Variants in FTO observed in about 807,000 individuals in gnomAD.
FTO encodes the protein alpha-ketoglutarate-dependent dioxygenase FTO.
FTO carries 47 observed loss-of-function variants against 63.9 expected under a neutral mutation model. The ratio of observed to expected loss-of-function variants is 0.74; its 90% confidence interval spans 0.58 to 0.94. The LOEUF is 0.94. FTO is among the 40% of genes least tolerant of loss of function. FTO has a pLI of 0.00. For missense variants in FTO, 562 were observed against 618.1 expected, an observed-to-expected ratio of 0.91 and a Z score of 0.96; for synonymous variants, 207 against 224.4, an observed-to-expected ratio of 0.92 and a Z score of 0.69.
intron 1 of FTO, among the ~76,000 whole-genome samples, chr16:53,779,469 A>C (rs1256415340): frequency 6.6e-6 from 1 of 152,224 alleles, no homozygotes; most frequent in Non-Finnish European, 1.5e-5. Flanking sequence ...TTAATTTAAC[A>C]GTCCAGCTCC....
intron 6 of FTO, among the ~76,000 whole-genome samples, chr16:53,887,413 T>C (rs935219736): frequency 1.3e-5 from 2 of 152,124 alleles, no homozygotes; most frequent in African/African-American, 4.8e-5. Flanking sequence ...ACCCCTGGCA[T>C]TGGAGCTGGA....
chr16:53,791,590 A>G (rs1473915478), intron 1 of FTO, among the ~76,000 whole-genome samples: 1 of 152,224 alleles, frequency 6.6e-6, no homozygotes, highest in African/African-American at 2.4e-5. Context: ...GAATATATGC[A>G]GAGGAATAAC....
At chr16:53,906,900 C>T (rs941742782) in intron 7 of FTO, among the ~76,000 whole-genome samples, 1 of 152,184 alleles carries the variant, frequency 6.6e-6, no homozygotes, top group African/African-American at 2.4e-5. Flanking sequence ...CTCTCCACCC[C>T]AGGTACCCTG....
intron 4 of FTO, among the ~76,000 whole-genome samples, chr16:53,845,836 G>A (rs2079602505): frequency 6.6e-6 from 1 of 152,196 alleles, no homozygotes; most frequent in Admixed American, 6.5e-5. Flanking sequence ...AGATCATTAT[G>A]TAGGGTCTCT....
intron 8 of FTO, among the ~76,000 whole-genome samples, chr16:53,934,552 GA>G (rs911479578): frequency 2.4e-4 from 37 of 152,242 alleles, no homozygotes; most frequent in Admixed American, 1.1e-3. Context: ...TAGGTTCTGA[GA>G]AATGTGTTCT....
At chr16:53,713,772 A>G (rs939478595) in intron 1 of FTO, among the ~76,000 whole-genome samples, 7 of 152,208 alleles carry the variant, frequency 4.6e-5, no homozygotes, top group African/African-American at 7.2e-5. Context: ...CCACATTTTT[A>G]AGTGTACAAT....
chr16:54,071,332 G>C (rs1344673645), intron 8 of FTO: 2 of 152,210 alleles, frequency 1.3e-5, no homozygotes, highest in African/African-American at 4.8e-5. Flanking sequence ...GTAGCTGTCA[G>C]GAGTGGGACC....
At chr16:53,728,753 G>A (rs75123395) in intron 1 of FTO, among the ~76,000 whole-genome samples, 8,706 of 147,974 alleles carry the variant, frequency 0.059, 835 homozygotes, top group African/African-American at 0.2. Flanking sequence ...AGACAAAAGG[G>A]GACCATACTT....
At chr16:53,923,429 A>G (rs2082055834) in intron 7 of FTO, among the ~76,000 whole-genome samples, 1 of 152,220 alleles carries the variant, frequency 6.6e-6, no homozygotes, top group African/African-American at 2.4e-5. Context: ...AGAAGTATGA[A>G]TTACTTGATG....
intron 4 of FTO, among the ~76,000 whole-genome samples, chr16:53,852,587 G>A (rs1015660482): frequency 6.6e-6 from 1 of 152,172 alleles, no homozygotes; most frequent in Non-Finnish European, 1.5e-5. Flanking sequence ...ACATAATGAT[G>A]TTGATGTAAG....
At chr16:53,930,075 T>C (rs2082242661) in intron 7 of FTO, among the ~76,000 whole-genome samples, 1 of 152,120 alleles carries the variant, frequency 6.6e-6, no homozygotes, top group South Asian at 2.1e-4. Context: ...TTAAATCTGC[T>C]GCATCGTTAT....
At chr16:53,867,918 CCA>C (rs1376632167) in intron 4 of FTO, among the ~76,000 whole-genome samples, 1 of 152,120 alleles carries the variant, frequency 6.6e-6, no homozygotes, top group Non-Finnish European at 1.5e-5. Flanking sequence ...GGAGAATTTA[CCA>C]CTTTATCATT....
intron 4 of FTO, among the ~76,000 whole-genome samples, chr16:53,871,229 T>C (rs1217948919): frequency 6.6e-6 from 1 of 152,200 alleles, no homozygotes; most frequent in Non-Finnish European, 1.5e-5. Flanking sequence ...GGCCATTGTT[T>C]CTATAAAAAT....
rs1232120984 is a variant in FTO, at chr16:53,704,338, G to T, written c.45+109G>T. 2.8e-6 allele frequency: 3 copies of T among 1,060,302 alleles called. No individual in the cohort carries two copies. In the Admixed American group the frequency reaches 6.0e-5, roughly 21 times the overall value. 65.7% of individuals were successfully genotyped at this position (1,060,302 alleles called of 1,614,324 possible). The stretch of plus-strand genomic sequence containing the variant: ...GCGGATGCGCGGTGTTAAACTAAGG[G>T]ATGACAGGGCCTTGTCAGCAAGGGA... On this transcript the variant is annotated intron_variant, in intron 1 of 8. Transcript: ENST00000471389.
intron 8 of FTO, among the ~76,000 whole-genome samples, chr16:54,106,580 TATAATTATAATA>T (rs1275671437): frequency 7.1e-6 from 1 of 141,352 alleles, no homozygotes; most frequent in Non-Finnish European, 1.5e-5. Flanking sequence ...ATATTTATTA[TATAATTATAATA>T]ATAGTTATAT....
intron 4 of FTO, among the ~76,000 whole-genome samples, chr16:53,853,675 A>G (rs1054599644): frequency 6.6e-6 from 1 of 152,184 alleles, no homozygotes; most frequent in Non-Finnish European, 1.5e-5. Context: ...ATGACTGAGT[A>G]GTATTTCATG....
chr16:53,816,860 G>A (rs1420213623), intron 2 of FTO, among the ~76,000 whole-genome samples: 3 of 152,166 alleles, frequency 2.0e-5, no homozygotes, highest in Non-Finnish European at 4.4e-5. Context: ...CTTCTAGAGA[G>A]AAAATAGACG....
chr16:53,977,814 T>C (rs908902341), intron 8 of FTO, among the ~76,000 whole-genome samples: 52 of 152,172 alleles, frequency 3.4e-4, no homozygotes, highest in African/African-American at 1.3e-3. Context: ...AAAACTATAG[T>C]TTTAGTTAGT....
chr16:53,987,153 C>T (rs748646948), intron 8 of FTO, among the ~76,000 whole-genome samples: 1 of 152,066 alleles, frequency 6.6e-6, no homozygotes, highest in African/African-American at 2.4e-5. Context: ...ATATACAGAG[C>T]ACTGTGCCAT....
Sources: allele counts gnomAD v4.1 joint callset (sites outside exome capture counted in the v4.1 genomes callset), GRCh38; gene constraint gnomAD v4.1.1; transcripts MANE v1.5; gene names NCBI Gene and HGNC (gene_info 2026-07-23, HGNC 2026-07-21).